Variants in SUPV3L1 observed in about 807,000 individuals in gnomAD.
The protein encoded by SUPV3L1 is Suv3 like RNA helicase, also known as ATP-dependent RNA helicase SUPV3L1, mitochondrial.
A neutral mutation model predicts 70.0 loss-of-function variants in SUPV3L1; 35 were observed. That is an observed-to-expected ratio of 0.50 (90% CI 0.38 to 0.66). The LOEUF is 0.66. Among genes scored for constraint, SUPV3L1 ranks in the 30% least tolerant of loss-of-function variants. The pLI, the probability that SUPV3L1 is intolerant of heterozygous loss-of-function variation, is 0.00. For missense variants in SUPV3L1, 777 were observed against 961.5 expected (o/e 0.81, Z 2.54); for synonymous variants, 364 against 341.9 (o/e 1.06, Z -0.71).
At chr10:69,184,970 C>G (rs1842176934) in intron 1 of SUPV3L1, among the ~76,000 whole-genome samples, 8 of 152,128 alleles carry the variant, frequency 5.3e-5, no homozygotes, top group Admixed American at 5.2e-4. Flanking sequence ...ACATATACAA[C>G]CATAATACAA....
chr10:69,208,934 G>A lies in SUPV3L1; in HGVS notation c.2260G>A (p.Glu754Lys), dbSNP rs1382349617. Residue 754 changes from glutamate (E) to lysine (K), a missense_variant, in exon 15 of 15, where the codon GAG becomes AAG. Coordinates refer to ENST00000359655, the MANE Select transcript of SUPV3L1 (RefSeq NM_003171.5). ...TPDMLKQLEK[E>K]WMTQQTEHNK... ...AGACATGCTGAAACAGCTAGAAAAA[G>A]AGTGGATGACACAACAAACTGAACA... The A allele has an allele frequency of 6.2e-7, 1 of 1,614,064 alleles. No homozygotes were observed. The highest frequency in any genetic ancestry group is 2.2e-5 in the East Asian group (1 of 44,874).
chr10:69,181,214 G>T (rs958484511), intron 1 of SUPV3L1, among the ~76,000 whole-genome samples: 9 of 152,220 alleles, frequency 5.9e-5, no homozygotes, highest in African/African-American at 2.2e-4. Flanking sequence ...CTTAAGTTTG[G>T]ATGGATTCGT....
intron 7 of SUPV3L1, among the ~76,000 whole-genome samples, chr10:69,195,591 G>C (rs1564706837): frequency 6.6e-6 from 1 of 152,038 alleles, no homozygotes. Context: ...GAGAACATTA[G>C]TTTTGTATCT....
At chr10:69,191,829 C>CA (rs1213293043) in intron 6 of SUPV3L1, 63 bp downstream of exon 6, 37 of 1,214,078 alleles carry the variant, frequency 3.0e-5, no homozygotes, top group Non-Finnish European at 4.0e-5. Context: ...TTTTTCAAGA[C>CA]AGAGTCTTGC....
At position 69,200,398 on chromosome 10, in the gene SUPV3L1, A is replaced by C; in HGVS notation, c.1417A>C (p.Arg473=). The stretch of plus-strand genomic sequence containing the variant: ...CCTGCAGATTGCTGGCAGAGCTGGC[A>C]GATTCAGCTCACGGTTTAAAGAAGG... The part of the protein sequence containing the change: ...QALQIAGRAG[R]FSSRFKEGEV... Residue 473 remains arginine (R), a synonymous_variant, in exon 11 of 15, where the codon AGA becomes CGA. Coordinates refer to ENST00000359655, the MANE Select transcript of SUPV3L1 (RefSeq NM_003171.5). 6.2e-7 allele frequency: 1 copy of C among 1,614,206 alleles called. No homozygotes were observed. The highest frequency in any genetic ancestry group is 1.1e-5 in the South Asian group (1 of 91,084).
intron 1 of SUPV3L1, among the ~76,000 whole-genome samples, chr10:69,182,886 G>A (rs986194934): frequency 6.6e-6 from 1 of 152,178 alleles, no homozygotes; most frequent in Non-Finnish European, 1.5e-5. Context: ...TAAAGGCTTT[G>A]TCCTGCGTCA....
At chr10:69,205,806 A>T (rs1842811696) in intron 13 of SUPV3L1, among the ~76,000 whole-genome samples, 1 of 152,208 alleles carries the variant, frequency 6.6e-6, no homozygotes, top group African/African-American at 2.4e-5. Context: ...AAGTGCAGGG[A>T]TTACAGGCAT....
At chr10:69,200,170 T>TC (rs1319942315) in intron 10 of SUPV3L1, 110 bp from the exon 11 acceptor site, 5 of 827,198 alleles carry the variant, frequency 6.0e-6, no homozygotes, top group Non-Finnish European at 7.5e-6. Flanking sequence ...TAAGTGGCAG[T>TC]CAAGGTTGCA....
At chr10:69,198,786 G>T (rs894945511) in intron 9 of SUPV3L1, among the ~76,000 whole-genome samples, 2 of 152,104 alleles carry the variant, frequency 1.3e-5, no homozygotes, top group African/African-American at 2.4e-5. Flanking sequence ...CTTAAATGTT[G>T]AGTTTATTAT....
chr10:69,189,099 A>C (rs1255242775), intron 4 of SUPV3L1, among the ~76,000 whole-genome samples, 168 bp from the exon 5 acceptor site: 1 of 152,150 alleles, frequency 6.6e-6, no homozygotes, highest in Non-Finnish European at 1.5e-5. Flanking sequence ...ATTCTTGGAA[A>C]CCAGTCATTA....
At chr10:69,199,778 A>G (rs558598034) in intron 10 of SUPV3L1, among the ~76,000 whole-genome samples, 2 of 152,256 alleles carry the variant, frequency 1.3e-5, no homozygotes, top group Admixed American at 6.5e-5. Flanking sequence ...CCGAGTGCCT[A>G]TTATGCACAT....
intron 6 of SUPV3L1, 33 bp downstream of exon 6, chr10:69,191,799 G>T: frequency 3.3e-6 from 5 of 1,527,858 alleles, no homozygotes; most frequent in Non-Finnish European, 4.5e-6. Context: ...ACTATGGTTT[G>T]GTATTTTTAA....
At chr10:69,206,244 A>G (rs995154538) in intron 13 of SUPV3L1, among the ~76,000 whole-genome samples, 2 of 152,192 alleles carry the variant, frequency 1.3e-5, no homozygotes, top group Non-Finnish European at 2.9e-5. Flanking sequence ...GGCATTTATT[A>G]AACTTAGCAG....
At chr10:69,196,547 T>G (rs1372697431) in intron 7 of SUPV3L1, among the ~76,000 whole-genome samples, 1 of 151,702 alleles carries the variant, frequency 6.6e-6, no homozygotes. Context: ...ACAAAGAGTA[T>G]ACATTGAAGC....
chr10:69,207,723 T>TC lies in SUPV3L1; in HGVS notation c.1777-69dup, dbSNP rs1491099018. ...ATGTTTTGTTTTGCTTTCTTTTTTT[T>TC]CTCTTTCTAATTATAGACTTAAGGG... On this transcript the variant is annotated intron_variant, in intron 13 of 14. Transcript: ENST00000359655. 7.3e-6 allele frequency: 11 copies of TC among 1,504,418 alleles called. No individual in the cohort carries two copies. In the East Asian group the frequency reaches 1.4e-4, roughly 20 times the overall value. The allele number at this position is 1,504,418 out of a possible 1,614,324, so 93.2% of individuals were successfully genotyped here.
chr10:69,187,772 T>A lies in SUPV3L1; in HGVS notation c.572+16T>A, dbSNP rs979908087. 1 of 1,524,800 alleles carries A rather than the reference T, an allele frequency of 6.6e-7. No individual in the cohort carries two copies. The highest frequency in any genetic ancestry group is 8.9e-7 in the Non-Finnish European group (1 of 1,120,906). 94.5% of individuals were successfully genotyped at this position (1,524,800 alleles called of 1,614,324 possible). The stretch of plus-strand genomic sequence containing the variant: ...CACCTAACTGGTTAGTTTCTCCATT[T>A]GTGGATTTGAAATTTTCAGTTTCTA... On this transcript the variant is annotated intron_variant, in intron 4 of 14. Transcript: ENST00000359655.
intron 6 of SUPV3L1, among the ~76,000 whole-genome samples, chr10:69,193,998 T>C (rs1301984807): frequency 6.6e-6 from 1 of 152,194 alleles, no homozygotes; most frequent in Non-Finnish European, 1.5e-5. Flanking sequence ...CACTTTCTGC[T>C]CCTGAGAGCT....
At chr10:69,197,149 C>G in intron 8 of SUPV3L1, 66 bp downstream of exon 8, 1 of 1,333,988 alleles carries the variant, frequency 7.5e-7, no homozygotes, top group Non-Finnish European at 1.1e-6. Context: ...TAGGCAGTGG[C>G]TTCAGAGGCC....
chr10:69,195,342 C>A, intron 7 of SUPV3L1, 77 bp downstream of exon 7: 3 of 1,136,968 alleles, frequency 2.6e-6, no homozygotes, highest in Admixed American at 2.6e-5. Flanking sequence ...CTTGCCATTG[C>A]CAACCAAATA....
Sources: allele counts gnomAD v4.1 joint callset (sites outside exome capture counted in the v4.1 genomes callset), GRCh38; gene constraint gnomAD v4.1.1; transcripts MANE v1.5; gene names NCBI Gene and HGNC (gene_info 2026-07-23, HGNC 2026-07-21).